Variants in CSNK2A1 observed in about 807,000 individuals in gnomAD.
CSNK2A1 encodes casein kinase 2 alpha 1, also known as casein kinase II subunit alpha.
In CSNK2A1, 10 loss-of-function variants were observed where a neutral mutation model predicts 62.9. The ratio of observed to expected loss-of-function variants is 0.16; its 90% confidence interval spans 0.10 to 0.27. The LOEUF is 0.27. Ranked by LOEUF, CSNK2A1 falls within the 10% of genes least tolerant of loss-of-function variation. The pLI, the probability that CSNK2A1 is intolerant of heterozygous loss-of-function variation, is 1.00. For synonymous variants in CSNK2A1, 124 were observed against 167.8 expected, an observed-to-expected ratio of 0.74 and a Z score of 2.02; for missense variants, 160 against 492.0, an observed-to-expected ratio of 0.33 and a Z score of 6.38.
rs2017832304 is a variant in CSNK2A1 at position 475,525 on chromosome 20, A to G, written c.*8436T>C. 1.3e-5 allele frequency: 2 copies of G among 151,820 alleles called. No individual in the cohort carries two copies. Among genetic ancestry groups the G allele is most frequent in the Admixed American group, 1.3e-4 (2 of 15,246 alleles). The allele number at this position is 151,820 out of a possible 1,614,324, so 9.4% of individuals were successfully genotyped here. A position where few individuals can be genotyped will look rare whatever the true frequency, so the allele number is the denominator to read the frequency against. Reference sequence around the variant, plus strand: ...ACACATATATATATACATAGATGTTATATGTGGTTGCCTTCTGTTCCTACT... The same window carrying G: ...ACACATATATATATACATAGATGTTGTATGTGGTTGCCTTCTGTTCCTACT... On this transcript the variant is annotated 3_prime_UTR_variant, in exon 14 of 14. Coordinates refer to ENST00000217244, the MANE Select transcript of CSNK2A1 (RefSeq NM_177559.3).
rs142155025 is a variant in CSNK2A1 at position 508,814 on chromosome 20, TATAAC to T, written c.-109-159_-109-155del. Among the ~76,000 whole-genome samples the T allele has an allele frequency of 0.022, 3,284 of 152,308 alleles. 117 individuals are homozygous for T. Among genetic ancestry groups the T allele is most frequent in the African/African-American group, 0.072 (2,979 of 41,554 alleles). ...CTCAACTGTGTTAACCAGTGCTTCC[TATAAC>T]ATGAGAAGAAAAATCCCAAGAAATA... On this transcript the variant is annotated intron_variant, in intron 2 of 13. Coordinates refer to ENST00000217244, the MANE Select transcript of CSNK2A1 (RefSeq NM_177559.3).
chr20:497,587 T>A (rs1454136424), intron 7 of CSNK2A1, 134 bp downstream of exon 7: 1 of 684,632 alleles, frequency 1.5e-6, no homozygotes. Flanking sequence ...TATTAACTTA[T>A]TAAAAACTTA....
intron 1 of CSNK2A1, among the ~76,000 whole-genome samples, chr20:532,840 C>G (rs1484471711): frequency 6.6e-6 from 1 of 152,138 alleles, no homozygotes; most frequent in Non-Finnish European, 1.5e-5. Context: ...TCTGGAAGAT[C>G]ATCTATTTGG....
chr20:532,708 A>G (rs2019238595), intron 1 of CSNK2A1, among the ~76,000 whole-genome samples: 1 of 152,100 alleles, frequency 6.6e-6, no homozygotes, highest in Admixed American at 6.5e-5. Flanking sequence ...CGACCTGAAT[A>G]GTCAAAATCC....
chr20:512,739 T>C (rs898124830), intron 2 of CSNK2A1, among the ~76,000 whole-genome samples: 2 of 152,230 alleles, frequency 1.3e-5, no homozygotes, highest in African/African-American at 4.8e-5. Context: ...TCCATAAATG[T>C]ACTAAATGAC....
Position 488,786 on chromosome 20 carries a change from TAAAG to T in CSNK2A1, c.724-12_724-9del. 1.2e-6 allele frequency: 2 copies of T among 1,603,882 alleles called. No individual in the cohort carries two copies. The highest frequency in any genetic ancestry group is 1.7e-5 in the Admixed American group (1 of 57,350). ...CTTGGCTATCCTCACCAACTAGTAT[TAAAG>T]AAAGACAAAAACCCATATCACAAGC... is the stretch of plus-strand genomic sequence containing the variant. On this transcript the variant is annotated splice_polypyrimidine_tract_variant and intron_variant, in intron 10 of 13. Coordinates refer to ENST00000217244, the MANE Select transcript of CSNK2A1 (RefSeq NM_177559.3).
chr20:490,757 G>A (rs1418952162), intron 9 of CSNK2A1, among the ~76,000 whole-genome samples: 1 of 148,890 alleles, frequency 6.7e-6, no homozygotes, highest in Non-Finnish European at 1.5e-5. Context: ...CCAGGCTGGA[G>A]TGTAGTGGCG....
intron 13 of CSNK2A1, among the ~76,000 whole-genome samples, chr20:485,027 C>G (rs527794206): frequency 8.4e-6 from 1 of 119,560 alleles, no homozygotes; most frequent in Admixed American, 1.0e-4. Context: ...GATTGTGCCA[C>G]TGCACTCCAG....
Position 495,723 on chromosome 20 carries a change from C to T in CSNK2A1, c.506G>A (p.Arg169Lys), listed in dbSNP as rs1275701295. The T allele has an allele frequency of 6.2e-7, 1 of 1,613,722 alleles. No homozygotes were observed. The highest frequency in any genetic ancestry group is 1.3e-5 in the African/African-American group (1 of 75,032). ...CTTGTCAGCCTATCACTTTACCTTT[C>T]TGTGCTCATGATCAATCATGACATT... ...PHNVMIDHEH[R>K]KLRLIDWGLA... Residue 169 changes from arginine (R) to lysine (K), a missense_variant, in exon 8 of 14, where the codon AGA becomes AAA. Around this residue, in one of 3 missense-constraint regions of CSNK2A1, gnomAD observed 94 missense variants for 357.6 expected, o/e 0.26. Transcript: ENST00000217244.
At chr20:487,817 T>G (rs1241393321) in intron 11 of CSNK2A1, 1 of 560,648 alleles carries the variant, frequency 1.8e-6, no homozygotes, top group African/African-American at 1.9e-5. Context: ...GAAACATAAT[T>G]CAGGTTACTT....
intron 7 of CSNK2A1, chr20:496,804 G>A (rs1376463528): frequency 1.3e-5 from 2 of 152,162 alleles, no homozygotes; most frequent in African/African-American, 2.4e-5. Context: ...AAGATATTTG[G>A]TGACCCCACT....
intron 6 of CSNK2A1, chr20:498,907 A>G (rs924149786): frequency 1.5e-4 from 23 of 158,606 alleles, no homozygotes; most frequent in African/African-American, 5.3e-4. Context: ...TACATACAAT[A>G]TATTTCTTCC....
chr20:542,464 C>G (rs2019470562), intron 1 of CSNK2A1, among the ~76,000 whole-genome samples: 1 of 152,196 alleles, frequency 6.6e-6, no homozygotes, highest in Non-Finnish European at 1.5e-5. Flanking sequence ...GGCGGAGTCT[C>G]GCTCTGTCGC....
intron 8 of CSNK2A1, among the ~76,000 whole-genome samples, chr20:493,958 T>G (rs891944472): frequency 3.3e-5 from 5 of 152,180 alleles, no homozygotes; most frequent in Middle Eastern, 6.8e-3. Context: ...TACTTCATAA[T>G]AATATTATAT....
At chr20:496,909 CT>C (rs1013257509) in intron 7 of CSNK2A1, among the ~76,000 whole-genome samples, 1 of 152,136 alleles carries the variant, frequency 6.6e-6, no homozygotes, top group Admixed American at 6.5e-5. Context: ...TTAAAGTTTA[CT>C]GTTTTATTTG....
intron 4 of CSNK2A1, chr20:502,361 C>A (rs2018488050): frequency 6.6e-6 from 1 of 152,160 alleles, no homozygotes; most frequent in Admixed American, 6.5e-5. Context: ...CAACTTACCT[C>A]CTGTTTTCCA....
chr20:533,077 AAGTAGT>A (rs1251988500), intron 1 of CSNK2A1, among the ~76,000 whole-genome samples: 2 of 152,202 alleles, frequency 1.3e-5, no homozygotes. Flanking sequence ...AATGCCATAT[AAGTAGT>A]AGTGTTTTTG....
chr20:534,102 T>C (rs888935907), intron 1 of CSNK2A1, among the ~76,000 whole-genome samples: 1 of 152,238 alleles, frequency 6.6e-6, no homozygotes, highest in African/African-American at 2.4e-5. Flanking sequence ...GAATGCCTCT[T>C]ACAAACCAGG....
intron 2 of CSNK2A1, among the ~76,000 whole-genome samples, chr20:518,981 G>A (rs2018888497): frequency 6.7e-6 from 1 of 148,946 alleles, no homozygotes; most frequent in Admixed American, 6.7e-5. Flanking sequence ...TGCCACCCAG[G>A]TTAGAGTGCA....
Sources: gnomAD v4.1 joint callset for allele counts (sites outside exome capture counted in the v4.1 genomes callset) on GRCh38, gnomAD v4.1.1 for gene constraint, gnomAD v4.1.1 regional missense constraint, MANE v1.5 for transcripts, NCBI Gene and HGNC (gene_info 2026-07-23, HGNC 2026-07-21) for gene names.